Variants in TNC observed in about 807,000 individuals in gnomAD.
TNC encodes tenascin C.
Under a neutral mutation model 202.4 loss-of-function variants are expected in TNC, and 109 were observed. The observed-to-expected ratio is 0.54, with a 90% CI of 0.46 to 0.63. The LOEUF is 0.63. TNC is among the 30% of genes least tolerant of loss of function. TNC has a pLI of 0.00. For missense variants in TNC, 2,756 were observed against 2,833.3 expected (o/e 0.97, Z 0.62); for synonymous variants, 1,007 against 1,089.7 (o/e 0.92, Z 1.50).
At chr9:115,116,699 C>T (rs955022798) in intron 1 of TNC, among the ~76,000 whole-genome samples, 7 of 152,192 alleles carry the variant, frequency 4.6e-5, no homozygotes, top group Admixed American at 2.6e-4. Context: ...TTAGAATCTG[C>T]AGATGCCTAA....
intron 20 of TNC, 47 bp downstream of exon 20, chr9:115,038,213 CA>C (rs756856462): frequency 6.0e-5 from 96 of 1,588,648 alleles, no homozygotes; most frequent in Non-Finnish European, 8.2e-5. Flanking sequence ...GAGTTTACAG[CA>C]GGAAAGACAC....
At chr9:115,067,808 G>A (rs1354699192) in intron 10 of TNC, among the ~76,000 whole-genome samples, 3 of 151,462 alleles carry the variant, frequency 2.0e-5, no homozygotes, top group Admixed American at 2.0e-4. Flanking sequence ...TGGTACTTCT[G>A]CTAACACTTT....
At chr9:115,089,654 C>G (rs1422182375) in intron 2 of TNC, among the ~76,000 whole-genome samples, 1 of 152,190 alleles carries the variant, frequency 6.6e-6, no homozygotes, top group Non-Finnish European at 1.5e-5. Context: ...GCATGCACCA[C>G]CACACCCTGC....
chr9:115,041,314 G>GA (rs112092769), intron 18 of TNC, among the ~76,000 whole-genome samples: 3 of 131,702 alleles, frequency 2.3e-5, no homozygotes, highest in East Asian at 2.3e-4. Context: ...AGGGGCGGGG[G>GA]AAAACATGAA....
intron 4 of TNC, 31 bp downstream of exon 4, chr9:115,084,178 G>A (rs369276492): frequency 9.3e-6 from 15 of 1,604,470 alleles, no homozygotes; most frequent in South Asian, 2.2e-5. Flanking sequence ...GACATCAGGT[G>A]AGGCTGCCCA....
At chr9:115,035,894 A>G (rs533657161) in intron 21 of TNC, 26 of 577,084 alleles carry the variant, frequency 4.5e-5, no homozygotes, top group African/African-American at 9.2e-5. Flanking sequence ...TGGGGAGACC[A>G]AGGTCATTTC....
intron 4 of TNC, among the ~76,000 whole-genome samples, chr9:115,083,817 C>T (rs1834497629): frequency 6.6e-6 from 1 of 152,140 alleles, no homozygotes; most frequent in Admixed American, 6.5e-5. Context: ...GCTGGCCAGG[C>T]TGGTCTTGAA....
At chr9:115,083,118 C>T (rs999790855) in intron 4 of TNC, among the ~76,000 whole-genome samples, 8 of 152,174 alleles carry the variant, frequency 5.3e-5, no homozygotes, top group Non-Finnish European at 1.2e-4. Flanking sequence ...TGAGCAATTG[C>T]ACACAGTGCT....
At chr9:115,112,582 T>A (rs1837161287) in intron 1 of TNC, 1 of 152,180 alleles carries the variant, frequency 6.6e-6, no homozygotes, top group Admixed American at 6.5e-5. Context: ...CTGTATTCCC[T>A]AAGGAGATTT....
At chr9:115,081,726 G>A (rs1564110375) in intron 6 of TNC, 46 bp downstream of exon 6, 1 of 1,607,466 alleles carries the variant, frequency 6.2e-7, no homozygotes, top group East Asian at 2.2e-5. Flanking sequence ...GTGCTATGAG[G>A]TACAATCAGC....
At chr9:115,081,997 A>G in intron 5 of TNC, 69 bp from the exon 6 acceptor site, 1 of 1,414,386 alleles carries the variant, frequency 7.1e-7, no homozygotes, top group Non-Finnish European at 9.6e-7. Flanking sequence ...TGATTCATTC[A>G]CTCTGCATTC....
At chr9:115,042,377 A>G in intron 17 of TNC, 36 bp from the exon 18 acceptor site, 1 of 1,610,642 alleles carries the variant, frequency 6.2e-7, no homozygotes, top group Non-Finnish European at 8.5e-7. Flanking sequence ...GCCCAGAAAC[A>G]GTTAACTGTC....
intron 13 of TNC, among the ~76,000 whole-genome samples, chr9:115,060,627 A>C (rs1489910549): frequency 6.6e-6 from 1 of 152,216 alleles, no homozygotes; most frequent in Non-Finnish European, 1.5e-5. Context: ...TACTCATGTC[A>C]GGGAGAAATC....
chr9:115,036,130 T>C lies in TNC; in HGVS notation c.5624A>G (p.Lys1875Arg). The stretch of plus-strand genomic sequence containing the variant: ...GAACTTGGCAGTGATGGTTGAGCTC[T>C]TCTGGGGCCCTTTCTCTGCAAAGAT... Reference protein sequence around the residue: ...LRIFAEKGPQKSSTITAKFTT... With the variant: ...LRIFAEKGPQRSSTITAKFTT... Residue 1875 changes from lysine to arginine, a missense_variant, in exon 21 of 28, where the codon AAG (lysine) becomes AGG (arginine). Transcript: ENST00000350763. The C allele has an allele frequency of 6.2e-7, 1 of 1,614,136 alleles. No individual in the cohort carries two copies. The highest frequency in any genetic ancestry group is 8.5e-7 in the Non-Finnish European group (1 of 1,179,956).
At chr9:115,063,619 C>T (rs745906232) in intron 12 of TNC, among the ~76,000 whole-genome samples, 177 bp downstream of exon 12, 1 of 152,138 alleles carries the variant, frequency 6.6e-6, no homozygotes, top group Non-Finnish European at 1.5e-5. Flanking sequence ...TGGAACTGGG[C>T]TACAACTAGG....
chr9:115,083,450 G>A (rs1426878832), intron 4 of TNC, among the ~76,000 whole-genome samples: 1 of 152,102 alleles, frequency 6.6e-6, no homozygotes, highest in East Asian at 1.9e-4. Flanking sequence ...AACCTGCCAG[G>A]ACTGCCAGGG....
rs1833872537 is a variant in TNC, at chr9:115,076,536, G to A, written c.2714C>T (p.Thr905Ile). 3.1e-6 allele frequency: 5 copies of A among 1,614,106 alleles called. No individual in the cohort carries two copies. The highest frequency in any genetic ancestry group is 8.5e-7 in the Non-Finnish European group (1 of 1,180,040). ...CCATTCCAGGGTGATGCTGTTATCT[G>A]TCTGGGAAACACGTCGAAGATTCCT... Reference protein sequence around the residue: ...APRNLRRVSQTDNSITLEWRN... With the variant: ...APRNLRRVSQIDNSITLEWRN... Residue 905 changes from threonine to isoleucine, a missense_variant, in exon 8 of 28, where the codon ACA becomes ATA. Transcript: ENST00000350763.
Position 115,036,168 on chromosome 9 carries a change from T to G in TNC, c.5586A>C (p.Glu1862Asp), listed in dbSNP as rs1830312481. ...TCTCTGCAAAGATTCTCAGTGTGTA[T>G]TCCGTGGCAGGCTCGAGGTCGGTCA... The part of the protein sequence containing the change: ...YALTDLEPAT[E>D]YTLRIFAEKG... Residue 1862 changes from glutamate to aspartate, a missense_variant, in exon 21 of 28, where the codon GAA becomes GAC. Coordinates refer to ENST00000350763, the MANE Select transcript of TNC (RefSeq NM_002160.4). 2.5e-6 allele frequency: 4 copies of G among 1,614,150 alleles called. No individual in the cohort carries two copies. The East Asian group carries it at 8.9e-5, about 36-fold the overall frequency.
intron 7 of TNC, among the ~76,000 whole-genome samples, chr9:115,077,293 T>C (rs1220429306): frequency 1.3e-5 from 2 of 150,712 alleles, no homozygotes; most frequent in Non-Finnish European, 3.0e-5. Flanking sequence ...CCTGACCTCG[T>C]GATTCGCCCG....
Sources: allele counts gnomAD v4.1 joint callset (sites outside exome capture counted in the v4.1 genomes callset), GRCh38; gene constraint gnomAD v4.1.1; transcripts MANE v1.5; gene names NCBI Gene and HGNC (gene_info 2026-07-23, HGNC 2026-07-21).